The following RIN2 variants were observed in gnomAD, a reference collection of about 807,000 sequenced individuals.
The protein encoded by RIN2 is RAB5 interacting protein 2.
In RIN2, 36 loss-of-function variants were observed where a neutral mutation model predicts 78.0. That is an observed-to-expected ratio of 0.46 (90% CI 0.35 to 0.61). The LOEUF (loss-of-function observed/expected upper bound fraction) is 0.61. RIN2 is among the 20% of genes least tolerant of loss of function. RIN2 has a pLI of 0.00. For synonymous variants in RIN2, 466 were observed against 466.8 expected (o/e 1.00, Z 0.02); for missense variants, 1,087 against 1,159.7 (o/e 0.94, Z 0.91).
intron 7 of RIN2, among the ~76,000 whole-genome samples, chr20:19,965,461 C>T (rs2041908554): frequency 6.6e-6 from 1 of 152,178 alleles, no homozygotes. Context: ...CCTCTGAAAA[C>T]TCTGTAAGGG....
Position 19,975,414 on chromosome 20 carries a change from C to G in RIN2, c.1389C>G (p.Asp463Glu), listed in dbSNP as rs761161714. ...YEADTNSSLE[D>E]YEGESDQETM... ...CGGACACCAACAGCAGCCTGGAGGA[C>G]TACGAGGGGGAAAGTGACCAAGAGA... Residue 463 changes from aspartate to glutamate, a missense_variant, in exon 9 of 13, where the codon GAC becomes GAG. Around this residue, in one of 8 missense-constraint regions of RIN2, gnomAD observed 706 missense variants for 667.5 expected, o/e 1.06. Coordinates refer to ENST00000255006, the MANE Select transcript of RIN2 (RefSeq NM_018993.4). The surrounding 1 kb of genome is among the most constrained non-coding windows in gnomAD (Gnocchi z 4.9). 2 of 1,614,078 alleles carry G rather than the reference C, an allele frequency of 1.2e-6. No individual in the cohort carries two copies. Among genetic ancestry groups the G allele is most frequent in the South Asian group, 1.1e-5 (1 of 91,090 alleles).
At chr20:19,854,913 C>T (rs903092328) in intron 2 of RIN2, among the ~76,000 whole-genome samples, 7 of 152,100 alleles carry the variant, frequency 4.6e-5, no homozygotes, top group African/African-American at 1.7e-4. Context: ...ACTTCCAAGG[C>T]TATGTTGAAT....
intron 2 of RIN2, among the ~76,000 whole-genome samples, chr20:19,828,811 C>T (rs1431330441): frequency 6.6e-6 from 1 of 152,130 alleles, no homozygotes; most frequent in Non-Finnish European, 1.5e-5. Flanking sequence ...TGATCATTTC[C>T]TCCACCATCC....
At chr20:19,922,225 A>G (rs2039954532) in intron 3 of RIN2, among the ~76,000 whole-genome samples, 1 of 152,146 alleles carries the variant, frequency 6.6e-6, no homozygotes, top group Non-Finnish European at 1.5e-5. Context: ...TATCCCAATC[A>G]GGAGTGGGGA....
chr20:19,889,350 T>A, intron 2 of RIN2: 1 of 1,238,490 alleles, frequency 8.1e-7, no homozygotes, highest in East Asian at 3.4e-5. Context: ...GTGGCAGAGG[T>A]GGGAGGTGGG....
At chr20:19,913,468 T>G (rs2123743156) in intron 3 of RIN2, among the ~76,000 whole-genome samples, 1 of 152,360 alleles carries the variant, frequency 6.6e-6, no homozygotes, top group Non-Finnish European at 1.5e-5. Flanking sequence ...CATTTTTAAA[T>G]GTACAATTCT....
intron 9 of RIN2, among the ~76,000 whole-genome samples, chr20:19,986,200 T>A (rs1419183490): frequency 6.6e-6 from 1 of 152,192 alleles, no homozygotes; most frequent in Non-Finnish European, 1.5e-5. Flanking sequence ...GCTCCTCAAA[T>A]CCTTTTTCCT....
intron 3 of RIN2, among the ~76,000 whole-genome samples, chr20:19,910,542 T>C (rs1355567787): frequency 2.0e-5 from 3 of 150,224 alleles, no homozygotes; most frequent in South Asian, 4.2e-4. Context: ...ATTGTTTGAA[T>C]TTTTTTTTCT....
At chr20:19,968,407 C>A (rs1352176200) in intron 7 of RIN2, among the ~76,000 whole-genome samples, 1 of 152,038 alleles carries the variant, frequency 6.6e-6, no homozygotes, top group Non-Finnish European at 1.5e-5. Flanking sequence ...GAATTGAGGC[C>A]CCTTTCTTTA....
intron 10 of RIN2, among the ~76,000 whole-genome samples, chr20:19,990,779 C>A (rs2042775363): frequency 6.6e-6 from 1 of 152,142 alleles, no homozygotes; most frequent in Non-Finnish European, 1.5e-5. Context: ...ATTATCATTA[C>A]AACATTTTGG....
intron 3 of RIN2, among the ~76,000 whole-genome samples, chr20:19,921,874 T>C (rs1429842470): frequency 6.8e-6 from 1 of 146,146 alleles, no homozygotes; most frequent in African/African-American, 2.5e-5. Context: ...GTTTGTTTGT[T>C]TGTTTGTTTG....
chr20:19,920,737 G>A (rs945238485), intron 3 of RIN2, among the ~76,000 whole-genome samples: 4 of 152,140 alleles, frequency 2.6e-5, no homozygotes, highest in Admixed American at 6.5e-5. Flanking sequence ...GCACAGTGGC[G>A]TGATCATGGC....
intron 4 of RIN2, among the ~76,000 whole-genome samples, chr20:19,945,983 T>C (rs774108966): frequency 6.6e-6 from 1 of 152,206 alleles, no homozygotes; most frequent in Non-Finnish European, 1.5e-5. Context: ...CAGCGGATTC[T>C]ATTTGTTAGG....
intron 2 of RIN2, among the ~76,000 whole-genome samples, chr20:19,868,716 T>C (rs2037586065): frequency 6.6e-6 from 1 of 152,068 alleles, no homozygotes. Flanking sequence ...GGGGAAGGGC[T>C]GATAATGGGA....
At chr20:19,925,629 G>T (rs571931025) in intron 3 of RIN2, among the ~76,000 whole-genome samples, 2 of 152,206 alleles carry the variant, frequency 1.3e-5, no homozygotes, top group Non-Finnish European at 2.9e-5. Context: ...GCAATTCCTT[G>T]CAAGAGGAAA....
intron 2 of RIN2, among the ~76,000 whole-genome samples, chr20:19,834,503 C>T (rs1419106418): frequency 3.3e-5 from 5 of 152,190 alleles, no homozygotes; most frequent in Non-Finnish European, 7.4e-5. Flanking sequence ...CAGTGCGACG[C>T]TCTGGTTCCC....
intron 1 of RIN2, among the ~76,000 whole-genome samples, chr20:19,787,695 G>A (rs1019449570): frequency 1.3e-5 from 2 of 152,160 alleles, no homozygotes; most frequent in Middle Eastern, 3.2e-3. Flanking sequence ...ACAATGTCAA[G>A]CATATACTGA....
intron 2 of RIN2, among the ~76,000 whole-genome samples, chr20:19,801,929 A>C (rs16981133): frequency 0.065 from 9,907 of 152,232 alleles, 874 homozygotes; most frequent in African/African-American, 0.2. Flanking sequence ...GTTAGATAAA[A>C]CATCCCTGTG....
chr20:19,874,214 T>C (rs2037786147), intron 2 of RIN2, among the ~76,000 whole-genome samples: 1 of 152,210 alleles, frequency 6.6e-6, no homozygotes, highest in Non-Finnish European at 1.5e-5. Flanking sequence ...GCTTGAGTTA[T>C]AGTGCTGTTG....
Sources: gnomAD v4.1 joint callset for allele counts (sites outside exome capture counted in the v4.1 genomes callset) on GRCh38, gnomAD v4.1.1 for gene constraint, gnomAD v4.1.1 regional missense constraint, Gnocchi (gnomAD v3.1) non-coding constraint, MANE v1.5 for transcripts, NCBI Gene and HGNC (gene_info 2026-07-23, HGNC 2026-07-21) for gene names.